KIFC3: variants seen among roughly 807,000 people sequenced by gnomAD.
KIFC3 encodes the protein kinesin family member C3.
In KIFC3, 60 loss-of-function variants were observed where a neutral mutation model predicts 101.8. The ratio of observed to expected loss-of-function variants is 0.59; its 90% CI spans 0.48 to 0.73. The LOEUF (loss-of-function observed/expected upper bound fraction) is 0.73, where lower values mean the gene tolerates loss of function less well. KIFC3 is among the 30% of genes least tolerant of loss of function. The probability of loss-of-function intolerance (pLI) is 0.00; values close to 1 mark genes in which losing one functional copy is unlikely to be tolerated. For synonymous variants in KIFC3, 476 were observed against 482.7 expected, an observed-to-expected ratio of 0.99 and a Z score of 0.18; for missense variants, 966 against 1,137.1, an observed-to-expected ratio of 0.85 and a Z score of 2.16.
At chr16:57,819,433 G>A (rs2055304829) in intron 1 of KIFC3, among the ~76,000 whole-genome samples, 1 of 152,130 alleles carries the variant, frequency 6.6e-6, no homozygotes, top group Non-Finnish European at 1.5e-5. Flanking sequence ...CAGGAGGATT[G>A]GACTCCGAGA....
chr16:57,842,278 T>A (rs574123228), intron 1 of KIFC3, among the ~76,000 whole-genome samples: 1 of 152,300 alleles, frequency 6.6e-6, no homozygotes, highest in South Asian at 2.1e-4. Flanking sequence ...CTCCCCCACC[T>A]GGAATGCAAG....
At chr16:57,783,364 G>T (rs1250840529) in intron 3 of KIFC3, among the ~76,000 whole-genome samples, 1 of 151,984 alleles carries the variant, frequency 6.6e-6, no homozygotes, top group African/African-American at 2.4e-5. Context: ...ACTGGTGATG[G>T]GTGCATTGCC....
intron 1 of KIFC3, among the ~76,000 whole-genome samples, chr16:57,839,601 CA>C (rs1555481135): frequency 6.6e-6 from 1 of 152,036 alleles, no homozygotes; most frequent in East Asian, 1.9e-4. Context: ...AACACCCCCT[CA>C]AAAAAATCCT....
Position 57,765,578 on chromosome 16 carries a change from C to G in KIFC3, c.1393G>C (p.Ala465Pro), listed in dbSNP as rs782481601. The G allele has an allele frequency of 1.2e-6, 2 of 1,610,542 alleles. No individual in the cohort carries two copies. The highest frequency in any genetic ancestry group is 2.2e-5 in the East Asian group (1 of 44,842). Residue 465 changes from alanine to proline, a missense_variant, in exon 11 of 20, where the codon GCC (alanine) becomes CCC (proline). Ala to Pro is a conservative substitution (Grantham distance 27). Coordinates refer to ENST00000445690, the MANE Select transcript of KIFC3 (RefSeq NM_001130100.2). Reference protein sequence around the residue: ...VTKEDGEGPEATNAVTFDADD... With the variant: ...VTKEDGEGPEPTNAVTFDADD... ...GCATCGAAAGTCACAGCATTGGTGG[C>G]CTCAGGTCCTTCCCCATCCTCTTTG...
At chr16:57,777,024 A>C (rs2149040062) in intron 3 of KIFC3, 1 of 152,396 alleles carries the variant, frequency 6.6e-6, no homozygotes, top group East Asian at 1.9e-4. Flanking sequence ...CAAAATGAAC[A>C]CACAAAAATC....
At chr16:57,843,847 C>T (rs1347552380) in intron 1 of KIFC3, among the ~76,000 whole-genome samples, 1 of 152,226 alleles carries the variant, frequency 6.6e-6, no homozygotes, top group Non-Finnish European at 1.5e-5. Context: ...GTGGCTCACG[C>T]TCATAATCCC....
chr16:57,821,205 T>C (rs1418434706), intron 1 of KIFC3, among the ~76,000 whole-genome samples: 11 of 150,584 alleles, frequency 7.3e-5, no homozygotes, highest in African/African-American at 2.7e-4. Context: ...GGCTGACCAT[T>C]GGGTATGACA....
Position 57,837,735 on chromosome 16 carries a change from T to C in KIFC3, c.108+24994A>G, listed in dbSNP as rs182247716. Among the ~76,000 whole-genome samples the C allele has an allele frequency of 8.5e-5, 13 of 152,262 alleles. No homozygotes were observed. The East Asian group carries it at 2.5e-3, about 29-fold the overall frequency. ...CTGTTTCCCCCATTAGTCTTCATAA[T>C]TGAAGGGGTTGGTACTGCTCCTAGA... On this transcript the variant is annotated intron_variant, in intron 1 of 2. Coordinates refer to the KIFC3 transcript ENST00000563028.
intron 3 of KIFC3, among the ~76,000 whole-genome samples, chr16:57,783,994 C>T (rs1295471089): frequency 6.6e-6 from 1 of 152,252 alleles, no homozygotes; most frequent in Non-Finnish European, 1.5e-5. Context: ...TCAGAGTACA[C>T]TTTCCTCTGC....
intron 3 of KIFC3, among the ~76,000 whole-genome samples, chr16:57,784,240 A>G (rs1404007877): frequency 6.6e-6 from 1 of 152,250 alleles, no homozygotes; most frequent in East Asian, 1.9e-4. Context: ...GCGGGCATGC[A>G]GCAGGCAAGA....
intron 18 of KIFC3, 132 bp downstream of exon 18, chr16:57,759,596 T>TA (rs2049573703): frequency 1.5e-6 from 1 of 677,068 alleles, no homozygotes; most frequent in African/African-American, 1.8e-5. Flanking sequence ...GGGGAGGTTG[T>TA]AAAACAGGTT....
rs1159525661 is a variant in KIFC3 at position 57,761,034 on chromosome 16, A to G, written c.2002+8T>C. On this transcript the variant is annotated splice_region_variant and intron_variant, in intron 15 of 19. Coordinates refer to ENST00000445690, the MANE Select transcript of KIFC3 (RefSeq NM_001130100.2). The stretch of plus-strand genomic sequence containing the variant: ...GGATCCTCAGGCCAGGCTGCCTGCC[A>G]CTCTCACCCGTGGTGCGGAGGCCTG... The G allele has an allele frequency of 1.9e-6, 3 of 1,605,550 alleles. No individual in the cohort carries two copies. The highest frequency in any genetic ancestry group is 2.2e-5 in the South Asian group (2 of 90,908).
At chr16:57,859,381 C>A (rs1403503277) in intron 1 of KIFC3, among the ~76,000 whole-genome samples, 2 of 152,212 alleles carry the variant, frequency 1.3e-5, no homozygotes, top group Non-Finnish European at 2.9e-5. Flanking sequence ...CACTTCTAGA[C>A]TTAAGATAAG....
At chr16:57,814,213 C>G (rs1555628330) in intron 1 of KIFC3, among the ~76,000 whole-genome samples, 1 of 152,132 alleles carries the variant, frequency 6.6e-6, no homozygotes, top group Non-Finnish European at 1.5e-5. Context: ...ACCCACACCC[C>G]CATATCCCCA....
intron 1 of KIFC3, among the ~76,000 whole-genome samples, chr16:57,835,604 CGTGATTCACCCAAAGTTTTGA>C (rs1555480209): frequency 6.6e-6 from 1 of 152,122 alleles, no homozygotes; most frequent in South Asian, 2.1e-4. Context: ...ACAGAGGAAC[CGTGATTCACCCAAAGTTTTGA>C]GTGATTCACC....
chr16:57,760,638 C>A (rs2148834011), intron 16 of KIFC3, 88 bp downstream of exon 16: 6 of 1,263,050 alleles, frequency 4.8e-6, no homozygotes, highest in Non-Finnish European at 6.8e-6. Flanking sequence ...CGGGGAGGTC[C>A]ATTTGCACAG....
At chr16:57,816,070 T>A in intron 1 of KIFC3, 2 of 603,512 alleles carry the variant, frequency 3.3e-6, no homozygotes, top group Non-Finnish European at 4.9e-6. Context: ...TGAGTGGCCA[T>A]CCACGTACCC....
chr16:57,816,071 C>T (rs182775609), intron 1 of KIFC3: 1 of 608,464 alleles, frequency 1.6e-6, no homozygotes, highest in East Asian at 6.8e-5. Context: ...GAGTGGCCAT[C>T]CACGTACCCA....
chr16:57,813,953 G>C (rs973760765), intron 1 of KIFC3: 20 of 713,666 alleles, frequency 2.8e-5, no homozygotes, highest in Non-Finnish European at 3.3e-5. Context: ...TATTCTTCCT[G>C]TACATCCCGC....
Sources: allele counts gnomAD v4.1 joint callset (sites outside exome capture counted in the v4.1 genomes callset), GRCh38; gene constraint gnomAD v4.1.1; transcripts MANE v1.5; gene names NCBI Gene and HGNC (gene_info 2026-07-23, HGNC 2026-07-21).